MAP3K13: variants seen among roughly 807,000 people sequenced by gnomAD.
The protein encoded by MAP3K13 is leucine zipper-bearing kinase.
Under a neutral mutation model 104.0 loss-of-function variants are expected in MAP3K13, and 52 were observed. That is an observed-to-expected ratio of 0.50 (90% CI 0.40 to 0.63). The LOEUF is 0.63. MAP3K13 is among the 20% of genes least tolerant of loss of function. The probability of loss-of-function intolerance (pLI) is 0.00; values close to 1 mark genes in which losing one functional copy is unlikely to be tolerated. For missense variants in MAP3K13, 914 were observed against 1,218.5 expected, an observed-to-expected ratio of 0.75 and a Z score of 3.72; for synonymous variants, 394 against 442.2, an observed-to-expected ratio of 0.89 and a Z score of 1.37.
At chr3:185,287,852 A>G (rs1208480192) in intron 2 of MAP3K13, among the ~76,000 whole-genome samples, 4 of 152,166 alleles carry the variant, frequency 2.6e-5, no homozygotes, top group Non-Finnish European at 5.9e-5. Flanking sequence ...CCTGACAACC[A>G]TGGAGAAACC....
intron 1 of MAP3K13, among the ~76,000 whole-genome samples, chr3:185,404,318 G>A (rs1385129527): frequency 6.6e-6 from 1 of 152,196 alleles, no homozygotes; most frequent in African/African-American, 2.4e-5. Flanking sequence ...AACAGATGAA[G>A]GTGTCAGCAT....
chr3:185,455,027 A>T (rs1163338310), intron 7 of MAP3K13, among the ~76,000 whole-genome samples: 1 of 99,254 alleles, frequency 1.0e-5, no homozygotes, highest in African/African-American at 3.6e-5. Context: ...GATATATATG[A>T]GATATATATG....
intron 2 of MAP3K13, among the ~76,000 whole-genome samples, chr3:185,302,791 T>G (rs1188969792): frequency 6.6e-6 from 1 of 152,212 alleles, no homozygotes; most frequent in Non-Finnish European, 1.5e-5. Flanking sequence ...CAGAGATAAT[T>G]TTACTTCTTT....
At chr3:185,323,348 T>C (rs1266295565) in intron 2 of MAP3K13, among the ~76,000 whole-genome samples, 3 of 151,096 alleles carry the variant, frequency 2.0e-5, no homozygotes, top group African/African-American at 7.3e-5. Flanking sequence ...TTTTTTTTTT[T>C]TTTTTGAGAC....
chr3:185,311,434 T>A (rs950071611), intron 2 of MAP3K13, among the ~76,000 whole-genome samples: 7 of 152,022 alleles, frequency 4.6e-5, no homozygotes, highest in African/African-American at 1.7e-4. Context: ...TTCAATTACC[T>A]CCCCCTGGGT....
chr3:185,353,789 A>T (rs914315053), intron 2 of MAP3K13, among the ~76,000 whole-genome samples: 3 of 152,166 alleles, frequency 2.0e-5, no homozygotes, highest in Non-Finnish European at 4.4e-5. Context: ...TTTACATTTG[A>T]TATGGACCTT....
chr3:185,283,382 C>G (rs1439742958), intron 1 of MAP3K13, among the ~76,000 whole-genome samples: 2 of 152,138 alleles, frequency 1.3e-5, no homozygotes, highest in Non-Finnish European at 2.9e-5. Context: ...CCGACCTGTT[C>G]TGCTAATAGG....
At chr3:185,445,847 T>G (rs929277457) in intron 4 of MAP3K13, among the ~76,000 whole-genome samples, 1 of 152,206 alleles carries the variant, frequency 6.6e-6, no homozygotes, top group Non-Finnish European at 1.5e-5. Flanking sequence ...CATCCTCTCT[T>G]GTCACACCAA....
intron 7 of MAP3K13, among the ~76,000 whole-genome samples, chr3:185,457,987 C>T (rs1042155488): frequency 1.3e-4 from 20 of 152,096 alleles, no homozygotes; most frequent in Non-Finnish European, 1.2e-4. Flanking sequence ...TCCTATCTTC[C>T]CTTCCTTAGG....
At chr3:185,436,924 C>T (rs758933558) in intron 2 of MAP3K13, among the ~76,000 whole-genome samples, 3 of 144,438 alleles carry the variant, frequency 2.1e-5, no homozygotes, top group Non-Finnish European at 4.5e-5. Flanking sequence ...TTGCTTGAAC[C>T]CCAGAGGCAG....
chr3:185,358,974 T>A (rs1201350169), upstream of MAP3K13, among the ~76,000 whole-genome samples: 3 of 152,226 alleles, frequency 2.0e-5, no homozygotes, highest in Non-Finnish European at 4.4e-5. Flanking sequence ...ATGACTTGGA[T>A]GAACTTCCCT....
chr3:185,381,862 C>G (rs978430969), intron 1 of MAP3K13, among the ~76,000 whole-genome samples: 1 of 152,202 alleles, frequency 6.6e-6, no homozygotes, highest in African/African-American at 2.4e-5. Flanking sequence ...CATGTTGTGA[C>G]CAGAGGCTTA....
At chr3:185,360,758 G>C (rs1353706090), upstream of MAP3K13, among the ~76,000 whole-genome samples, 1 of 150,982 alleles carries the variant, frequency 6.6e-6, no homozygotes, top group African/African-American at 2.4e-5. Flanking sequence ...ATCCATAGTG[G>C]ACTTATTAGT....
chr3:185,302,454 TCACTC>T (rs746724375), intron 2 of MAP3K13, among the ~76,000 whole-genome samples: 8 of 152,146 alleles, frequency 5.3e-5, no homozygotes, highest in African/African-American at 7.2e-5. Context: ...TATTAAGTCT[TCACTC>T]CATGAGTATG....
intron 2 of MAP3K13, among the ~76,000 whole-genome samples, chr3:185,293,997 T>C (rs1720834137): frequency 6.6e-6 from 1 of 152,306 alleles, no homozygotes; most frequent in Non-Finnish European, 1.5e-5. Flanking sequence ...TTGTGTCAAA[T>C]ATTTTGCTTT....
intron 2 of MAP3K13, among the ~76,000 whole-genome samples, chr3:185,321,161 A>G (rs1244136558): frequency 6.8e-6 from 1 of 147,882 alleles, no homozygotes; most frequent in Non-Finnish European, 1.5e-5. Context: ...GCGTGCACAC[A>G]CATATGCGTG....
intron 2 of MAP3K13, among the ~76,000 whole-genome samples, chr3:185,330,179 G>A (rs1024891482): frequency 6.6e-6 from 1 of 151,518 alleles, no homozygotes; most frequent in Non-Finnish European, 1.5e-5. Context: ...GGGATTACAG[G>A]CGTGAGCCAC....
At chr3:185,411,876 C>G (rs1163924869) in intron 1 of MAP3K13, among the ~76,000 whole-genome samples, 1 of 151,520 alleles carries the variant, frequency 6.6e-6, no homozygotes, top group African/African-American at 2.4e-5. Context: ...CTTCCACCTC[C>G]CAGGTTCAAG....
At position 185,480,375 on chromosome 3, in the gene MAP3K13, C is replaced by G; in HGVS notation, c.2645C>G (p.Ala882Gly). ...GCTGATAAACTTGAAGACCGCTTGG[C>G]AGAGAAGCTAGACGACCTGCTGTCC... ...ELADKLEDRLAEKLDDLLSQT... is the reference protein window; with the variant it reads ...ELADKLEDRLGEKLDDLLSQT... Residue 882 changes from alanine to glycine, a missense_variant, in exon 13 of 14, where the codon GCA (alanine) becomes GGA (glycine). By Grantham distance (60) the Ala-to-Gly change is moderately conservative (BLOSUM62 0). Transcript: ENST00000265026. The G allele has an allele frequency of 1.2e-6, 2 of 1,614,216 alleles. No individual in the cohort carries two copies. The highest frequency in any genetic ancestry group is 1.7e-6 in the Non-Finnish European group (2 of 1,180,044).
Sources: gnomAD v4.1 joint callset for allele counts (sites outside exome capture counted in the v4.1 genomes callset) on GRCh38, gnomAD v4.1.1 for gene constraint, MANE v1.5 for transcripts, NCBI Gene and HGNC (gene_info 2026-07-23, HGNC 2026-07-21) for gene names.